Variants in CHST10 observed in about 807,000 individuals in gnomAD.
CHST10 encodes the protein HNK-1 sulfotransferase.
CHST10 carries 24 observed loss-of-function variants against 34.7 expected under a neutral mutation model. The observed-to-expected ratio is 0.69, with a 90% CI of 0.50 to 0.97. The LOEUF is 0.97. CHST10 is among the 50% of genes least tolerant of loss of function. The pLI is 0.00. For missense variants in CHST10, 402 were observed against 452.1 expected, an observed-to-expected ratio of 0.89 and a Z score of 1.00; for synonymous variants, 161 against 169.3, an observed-to-expected ratio of 0.95 and a Z score of 0.38.
intron 3 of CHST10, among the ~76,000 whole-genome samples, chr2:100,403,415 T>C (rs1462454171): frequency 6.6e-6 from 1 of 152,204 alleles, no homozygotes; most frequent in Admixed American, 6.5e-5. Flanking sequence ...CCTAGTTCAA[T>C]ATGATACTGA....
intron 4 of CHST10, 79 bp downstream of exon 4, chr2:100,402,485 A>C (rs1196356148): frequency 8.9e-7 from 1 of 1,121,920 alleles, no homozygotes; most frequent in African/African-American, 1.5e-5. Flanking sequence ...AAGCGGAACC[A>C]GCCACAGGGG....
At chr2:100,406,532 G>A in intron 3 of CHST10, 44 bp downstream of exon 3, 2 of 1,610,538 alleles carry the variant, frequency 1.2e-6, no homozygotes, top group Non-Finnish European at 1.7e-6. Context: ...GTTGCAGCTA[G>A]GTCTAAATTA....
chr2:100,399,843 A>G (rs1573180821), intron 4 of CHST10, among the ~76,000 whole-genome samples: 1 of 152,182 alleles, frequency 6.6e-6, no homozygotes. Context: ...CGAGATGAAG[A>G]CACTGGGGAA....
At chr2:100,403,668 G>A (rs1403374627) in intron 3 of CHST10, among the ~76,000 whole-genome samples, 2 of 152,270 alleles carry the variant, frequency 1.3e-5, no homozygotes, top group East Asian at 3.9e-4. Context: ...GCTGAAAGGA[G>A]CAGCCCGGGA....
chr2:100,411,921 C>T (rs529557873), intron 2 of CHST10, among the ~76,000 whole-genome samples: 1 of 152,300 alleles, frequency 6.6e-6, no homozygotes, highest in Admixed American at 6.5e-5. Context: ...GAATGGGCCC[C>T]TGAGTAACTA....
At chr2:100,397,423 G>A (rs1394274775) in intron 5 of CHST10, among the ~76,000 whole-genome samples, 1 of 152,202 alleles carries the variant, frequency 6.6e-6, no homozygotes, top group Non-Finnish European at 1.5e-5. Context: ...GGCACAGAAC[G>A]CTTGGTCTGC....
intron 4 of CHST10, among the ~76,000 whole-genome samples, chr2:100,400,262 C>T (rs190049558): frequency 3.0e-3 from 452 of 152,298 alleles, no homozygotes; most frequent in African/African-American, 0.01. Flanking sequence ...TTCTAAGAGA[C>T]GAGGTCTTGT....
At chr2:100,401,504 G>A (rs888471809) in intron 4 of CHST10, among the ~76,000 whole-genome samples, 3 of 152,084 alleles carry the variant, frequency 2.0e-5, no homozygotes, top group African/African-American at 7.2e-5. Flanking sequence ...ACCTTGTTGC[G>A]ACACTTTGCC....
chr2:100,402,768 G>T, intron 3 of CHST10, 113 bp from the exon 4 acceptor site: 2 of 875,868 alleles, frequency 2.3e-6, no homozygotes, highest in Non-Finnish European at 3.6e-6. Context: ...AATGCCTTTT[G>T]ACAAAGCCAT....
intron 2 of CHST10, among the ~76,000 whole-genome samples, chr2:100,407,362 C>A (rs1312854196): frequency 6.6e-6 from 1 of 152,220 alleles, no homozygotes; most frequent in Non-Finnish European, 1.5e-5. Context: ...ACAGAAGCCA[C>A]ACTCTCCTGC....
Position 100,417,586 on chromosome 2 carries a change from C to G in CHST10, c.-316G>C, listed in dbSNP as rs2104286807. Reference sequence around the variant, plus strand: ...CAGCGGAAGTAAGGAAGACGCCCGGCGCGCTAGACCGGCTTTGGGGGCCAG... The same window carrying G: ...CAGCGGAAGTAAGGAAGACGCCCGGGGCGCTAGACCGGCTTTGGGGGCCAG... On this transcript the variant is annotated 5_prime_UTR_variant, in exon 1 of 7. Transcript: ENST00000264249. The G allele has an allele frequency of 6.6e-6, 1 of 151,678 alleles. No individual in the cohort carries two copies. Among genetic ancestry groups the G allele is most frequent in the East Asian group, 1.9e-4 (1 of 5,154 alleles). 9.4% of individuals were successfully genotyped at this position (151,678 alleles called of 1,614,324 possible). A position where few individuals can be genotyped will look rare whatever the true frequency, so the allele number is the denominator to read the frequency against.
chr2:100,416,216 C>G (rs1179413675), intron 1 of CHST10: 2 of 152,242 alleles, frequency 1.3e-5, no homozygotes, highest in Non-Finnish European at 2.9e-5. Context: ...TCCTGGCTCT[C>G]TCTCACCTTT....
chr2:100,394,889 AT>A (rs34088546), intron 6 of CHST10, among the ~76,000 whole-genome samples: 58,811 of 147,018 alleles, frequency 0.4, 13,194 homozygotes, highest in East Asian at 0.71. Context: ...ACAGCGGGCT[AT>A]TTTTTTTTTT....
At chr2:100,410,153 C>A (rs1675769379) in intron 2 of CHST10, among the ~76,000 whole-genome samples, 1 of 152,252 alleles carries the variant, frequency 6.6e-6, no homozygotes, top group Non-Finnish European at 1.5e-5. Flanking sequence ...CCCTTGCAGG[C>A]CACAGAGCCT....
At chr2:100,399,522 C>T (rs568505628) in intron 4 of CHST10, among the ~76,000 whole-genome samples, 60 of 152,326 alleles carry the variant, frequency 3.9e-4, no homozygotes, top group Admixed American at 3.5e-3. Flanking sequence ...ATGCACTGGG[C>T]TTGCCAGGAA....
In CHST10 at chr2:100,415,090, A is replaced by T; in HGVS notation, c.-82T>A. On this transcript the variant is annotated 5_prime_UTR_variant, in exon 2 of 7. Coordinates refer to ENST00000264249, the MANE Select transcript of CHST10 (RefSeq NM_004854.5). ...TCCTTGCTGTGTTTCCCCTGAACTG[A>T]GGTTCTTGGTTCCTCTTGTCACTGG... The T allele has an allele frequency of 7.7e-7, 1 of 1,302,028 alleles. No homozygotes were observed. Among genetic ancestry groups the T allele is most frequent in the Non-Finnish European group, 1.0e-6 (1 of 987,862 alleles). 80.7% of individuals were successfully genotyped at this position (1,302,028 alleles called of 1,614,324 possible).
At chr2:100,410,700 T>C (rs1386737795) in intron 2 of CHST10, among the ~76,000 whole-genome samples, 2 of 152,166 alleles carry the variant, frequency 1.3e-5, no homozygotes, top group African/African-American at 4.8e-5. Context: ...AACAACCAAA[T>C]GCTATGAGGA....
intron 3 of CHST10, among the ~76,000 whole-genome samples, chr2:100,405,354 C>A (rs906846615): frequency 6.6e-6 from 1 of 152,178 alleles, no homozygotes; most frequent in Non-Finnish European, 1.5e-5. Flanking sequence ...GTGATGACAG[C>A]CAATCAGGGC....
chr2:100,406,461 CT>C, intron 3 of CHST10, 114 bp downstream of exon 3: 1 of 1,368,714 alleles, frequency 7.3e-7, no homozygotes, highest in Non-Finnish European at 1.0e-6. Flanking sequence ...AAGGTCCCTG[CT>C]GGCATGAAAG....
Sources: allele counts gnomAD v4.1 joint callset (sites outside exome capture counted in the v4.1 genomes callset), GRCh38; gene constraint gnomAD v4.1.1; transcripts MANE v1.5; gene names NCBI Gene and HGNC (gene_info 2026-07-23, HGNC 2026-07-21).